TRERF1: variants seen among roughly 807,000 people sequenced by gnomAD.
The protein encoded by TRERF1 is transcriptional regulating factor 1.
A neutral mutation model predicts 122.9 loss-of-function variants in TRERF1; 27 were observed. The observed-to-expected ratio is 0.22, with a 90% CI of 0.16 to 0.30. TRERF1 has a LOEUF of 0.30. Among genes scored for constraint, TRERF1 ranks in the 10% least tolerant of loss-of-function variants. The pLI is 1.00. For missense variants in TRERF1, 1,248 were observed against 1,560.3 expected, an observed-to-expected ratio of 0.80 and a Z score of 3.37; for synonymous variants, 636 against 641.7, an observed-to-expected ratio of 0.99 and a Z score of 0.13.
intron 3 of TRERF1, among the ~76,000 whole-genome samples, chr6:42,302,444 A>G: frequency 6.6e-6 from 1 of 152,102 alleles, no homozygotes; most frequent in Non-Finnish European, 1.5e-5. Flanking sequence ...ATAACTCTGC[A>G]GAAGAAAACT....
At chr6:42,394,777 A>AT (rs1201372887) in intron 2 of TRERF1, among the ~76,000 whole-genome samples, 1 of 152,240 alleles carries the variant, frequency 6.6e-6, no homozygotes, top group African/African-American at 2.4e-5. Context: ...AAAAAAACAG[A>AT]TATTTAATCA....
At chr6:42,243,400 G>C in intron 14 of TRERF1, 39 bp from the exon 15 acceptor site, 1 of 1,392,534 alleles carries the variant, frequency 7.2e-7, no homozygotes, top group South Asian at 1.2e-5. Flanking sequence ...TCCAGCAATG[G>C]GCAGAGAGCA....
At chr6:42,262,464 GA>G (rs374024273) in intron 8 of TRERF1, among the ~76,000 whole-genome samples, 6 of 2,190 alleles carry the variant, frequency 2.7e-3, no homozygotes, top group Admixed American at 3.1e-3. Context: ...GAGAGAGAGA[GA>G]GGAGAGAGAG....
intron 13 of TRERF1, among the ~76,000 whole-genome samples, chr6:42,253,333 C>A (rs551195130): frequency 6.6e-6 from 1 of 152,190 alleles, no homozygotes; most frequent in Non-Finnish European, 1.5e-5. Context: ...CAGTTTCTCA[C>A]AGCACATGGT....
chr6:42,420,091 T>C (rs564798469), intron 2 of TRERF1, among the ~76,000 whole-genome samples: 1 of 152,182 alleles, frequency 6.6e-6, no homozygotes, highest in Non-Finnish European at 1.5e-5. Context: ...GGGGAAGCAA[T>C]GTGATTTAAC....
At chr6:42,300,481 CT>C (rs1785979540) in intron 4 of TRERF1, among the ~76,000 whole-genome samples, 156 bp downstream of exon 4, 1 of 152,240 alleles carries the variant, frequency 6.6e-6, no homozygotes, top group Non-Finnish European at 1.5e-5. Flanking sequence ...AATGAGCACA[CT>C]TTAATCTGTA....
chr6:42,277,930 GAA>G (rs1781535353), intron 4 of TRERF1, among the ~76,000 whole-genome samples: 1 of 147,458 alleles, frequency 6.8e-6, no homozygotes, highest in Non-Finnish European at 1.5e-5. Flanking sequence ...AGAAGAAGAA[GAA>G]GAAGAAGAAG....
intron 3 of TRERF1, among the ~76,000 whole-genome samples, chr6:42,342,975 C>T (rs1206012848): frequency 6.6e-6 from 1 of 152,218 alleles, no homozygotes. Flanking sequence ...GGGCCAGGTA[C>T]TCACACATGG....
Position 42,232,607 on chromosome 6 carries a change from C to T in TRERF1, c.3278+74G>A. On this transcript the variant is annotated intron_variant, in intron 17 of 17. Transcript: ENST00000372922. The surrounding 1 kb of genome is among the most constrained non-coding windows in gnomAD (Gnocchi z 4.5). ...TTTTTCTGATTGAAGAAACCTCAGGCCATCCTGGCCCAGCTCCCATAGAGC... is the reference window on the plus strand; with the variant it reads ...TTTTTCTGATTGAAGAAACCTCAGGTCATCCTGGCCCAGCTCCCATAGAGC... 6.8e-7 allele frequency: 1 copy of T among 1,467,614 alleles called. No individual in the cohort carries two copies. Among genetic ancestry groups the T allele is most frequent in the African/African-American group, 1.4e-5 (1 of 71,206 alleles). 90.9% of individuals were successfully genotyped at this position (1,467,614 alleles called of 1,614,324 possible). A position where few individuals can be genotyped will look rare whatever the true frequency, so the allele number is the denominator to read the frequency against.
At chr6:42,300,342 C>T (rs1372561615) in intron 4 of TRERF1, among the ~76,000 whole-genome samples, 1 of 152,102 alleles carries the variant, frequency 6.6e-6, no homozygotes, top group Non-Finnish European at 1.5e-5. Flanking sequence ...TCAAAATTCC[C>T]TGGATACCCC....
chr6:42,416,486 G>A (rs1243516316), intron 2 of TRERF1, among the ~76,000 whole-genome samples: 1 of 152,128 alleles, frequency 6.6e-6, no homozygotes, highest in Non-Finnish European at 1.5e-5. Context: ...TTAATACAAT[G>A]AATTTTTATT....
chr6:42,264,604 C>G (rs764669734), intron 7 of TRERF1, 100 bp downstream of exon 7: 200 of 1,524,546 alleles, frequency 1.3e-4, no homozygotes, highest in Non-Finnish European at 1.6e-4. Flanking sequence ...TGTGCCTCGC[C>G]AGGTCCCGCA....
At chr6:42,280,124 C>T (rs189087970) in intron 4 of TRERF1, among the ~76,000 whole-genome samples, 22 of 152,000 alleles carry the variant, frequency 1.4e-4, no homozygotes, top group African/African-American at 5.3e-4. Context: ...GCGGCGACAC[C>T]GAGCTACATA....
chr6:42,262,444 GAGAGA>G (rs1778203799), intron 8 of TRERF1, among the ~76,000 whole-genome samples: 1 of 35,554 alleles, frequency 2.8e-5, no homozygotes, highest in Non-Finnish European at 5.3e-5. Context: ...CAGAGAGAGA[GAGAGA>G]GAGAGAGAGA....
At chr6:42,296,518 T>C (rs1326418001) in intron 4 of TRERF1, among the ~76,000 whole-genome samples, 1 of 152,166 alleles carries the variant, frequency 6.6e-6, no homozygotes, top group East Asian at 1.9e-4. Context: ...AATAGCTCTA[T>C]CCACTGTCCC....
At chr6:42,431,443 G>A (rs1784492813) in intron 2 of TRERF1, among the ~76,000 whole-genome samples, 2 of 152,152 alleles carry the variant, frequency 1.3e-5, no homozygotes, top group Admixed American at 6.5e-5. Flanking sequence ...CAGGGTCTGA[G>A]GTTTCTTACT....
At chr6:42,403,858 A>C (rs1779777203) in intron 2 of TRERF1, among the ~76,000 whole-genome samples, 2 of 152,074 alleles carry the variant, frequency 1.3e-5, no homozygotes, top group South Asian at 4.1e-4. Flanking sequence ...TTCATTGTCC[A>C]CTGTCCATGC....
At chr6:42,261,842 C>CT (rs1777930030) in intron 8 of TRERF1, among the ~76,000 whole-genome samples, 1 of 152,184 alleles carries the variant, frequency 6.6e-6, no homozygotes, top group East Asian at 1.9e-4. Flanking sequence ...GCTCAGAACT[C>CT]TAATGGTGAT....
chr6:42,418,853 G>A (rs1407536880), intron 2 of TRERF1, among the ~76,000 whole-genome samples: 1 of 152,170 alleles, frequency 6.6e-6, no homozygotes, highest in African/African-American at 2.4e-5. Flanking sequence ...CACAACTGCT[G>A]TCTAATTACC....
Sources: allele counts gnomAD v4.1 joint callset (sites outside exome capture counted in the v4.1 genomes callset), GRCh38; gene constraint gnomAD v4.1.1; non-coding constraint Gnocchi (gnomAD v3.1); transcripts MANE v1.5; gene names NCBI Gene and HGNC (gene_info 2026-07-23, HGNC 2026-07-21).